FBXO10: variants seen among roughly 807,000 people sequenced by gnomAD.
FBXO10 encodes F-box protein 10.
In FBXO10, 39 loss-of-function variants were observed where a neutral mutation model predicts 80.7. The observed-to-expected ratio is 0.48, with a 90% CI of 0.37 to 0.63. The LOEUF is 0.63. Among genes scored for constraint, FBXO10 ranks in the 30% least tolerant of loss-of-function variants. FBXO10 has a pLI of 0.00. For missense variants in FBXO10, 1,025 were observed against 1,269.0 expected (o/e 0.81, Z 2.92); for synonymous variants, 449 against 489.6 (o/e 0.92, Z 1.09).
At chr9:37,543,600 C>A (rs1009932767) in intron 1 of FBXO10, among the ~76,000 whole-genome samples, 1 of 152,198 alleles carries the variant, frequency 6.6e-6, no homozygotes, top group African/African-American at 2.4e-5. Context: ...CATCCAGTTT[C>A]TCTATAGCAC....
intron 1 of FBXO10, among the ~76,000 whole-genome samples, chr9:37,552,691 CAA>C (rs779389401): frequency 0.14 from 13,444 of 95,278 alleles, 865 homozygotes; most frequent in African/African-American, 0.28. Context: ...GACTCCATAT[CAA>C]AAAAAAAAAA....
At chr9:37,514,497 A>G (rs1047967084) in intron 10 of FBXO10, among the ~76,000 whole-genome samples, 4 of 152,164 alleles carry the variant, frequency 2.6e-5, no homozygotes, top group African/African-American at 9.7e-5. Context: ...GGGATAGTTT[A>G]TAATGTAAAT....
intron 2 of FBXO10, among the ~76,000 whole-genome samples, chr9:37,539,234 T>C (rs961610277): frequency 2.0e-5 from 3 of 152,190 alleles, no homozygotes; most frequent in Non-Finnish European, 4.4e-5. Context: ...GCTAACCTAA[T>C]TTTTCCTTGC....
At chr9:37,541,080 T>C (rs1821899337) in intron 2 of FBXO10, 104 bp downstream of exon 2, 4 of 1,011,584 alleles carry the variant, frequency 4.0e-6, no homozygotes, top group Non-Finnish European at 4.3e-6. Context: ...TAATAATAAC[T>C]CTTAACTTTC....
Position 37,557,021 on chromosome 9 carries a change from A to G in FBXO10, c.-6-15247T>C, listed in dbSNP as rs1330280273. The stretch of plus-strand genomic sequence containing the variant: ...ATACCTGGTGTTGACTCCTTTCTCT[A>G]TTACAACTATTCAGGGCAACAGAAA... On this transcript the variant is annotated intron_variant, in intron 1 of 10. Transcript: ENST00000432825. Among the ~76,000 whole-genome samples, 5 of 152,062 alleles carry G rather than the reference A, an allele frequency of 3.3e-5. No homozygotes were observed. The East Asian group carries it at 5.8e-4, about 18-fold the overall frequency.
intron 1 of FBXO10, among the ~76,000 whole-genome samples, chr9:37,560,231 C>T (rs1212863104): frequency 2.0e-5 from 3 of 152,166 alleles, no homozygotes; most frequent in Non-Finnish European, 2.9e-5. Flanking sequence ...CACAATTTTG[C>T]AAATATTAAT....
intron 1 of FBXO10, among the ~76,000 whole-genome samples, chr9:37,562,290 T>TA (rs1238911049): frequency 2.0e-5 from 3 of 152,302 alleles, no homozygotes; most frequent in Non-Finnish European, 4.4e-5. Context: ...CAGTTGAGTA[T>TA]AAAGTGAAGC....
At chr9:37,550,871 T>C (rs938353136) in intron 1 of FBXO10, among the ~76,000 whole-genome samples, 8 of 152,320 alleles carry the variant, frequency 5.3e-5, no homozygotes, top group African/African-American at 1.7e-4. Flanking sequence ...AGTGCATCCA[T>C]CCCAATAGCC....
chr9:37,512,802 G>A, intron 10 of FBXO10, 81 bp from the exon 11 acceptor site: 1 of 1,436,226 alleles, frequency 7.0e-7, no homozygotes, highest in East Asian at 2.4e-5. Context: ...CTTAACTTGG[G>A]TTCCAGATCG....
chr9:37,568,326 T>C (rs1822661327), intron 1 of FBXO10, among the ~76,000 whole-genome samples: 1 of 152,056 alleles, frequency 6.6e-6, no homozygotes, highest in Non-Finnish European at 1.5e-5. Flanking sequence ...GCTTCTCGGG[T>C]AGCTGGGATT....
chr9:37,555,325 T>G (rs1822307994), intron 1 of FBXO10, among the ~76,000 whole-genome samples: 1 of 152,172 alleles, frequency 6.6e-6, no homozygotes, highest in African/African-American at 2.4e-5. Flanking sequence ...TTTTTGCATG[T>G]GATCATTGGC....
intron 5 of FBXO10, 58 bp downstream of exon 5, chr9:37,529,066 T>C (rs1821548723): frequency 2.1e-5 from 34 of 1,605,628 alleles, no homozygotes; most frequent in Non-Finnish European, 2.9e-5. Context: ...TGTTTTCAAA[T>C]GGAGGAGAGA....
At chr9:37,542,724 T>G (rs569563756) in intron 1 of FBXO10, among the ~76,000 whole-genome samples, 2 of 152,016 alleles carry the variant, frequency 1.3e-5, no homozygotes, top group South Asian at 4.2e-4. Context: ...GGTGAGCACA[T>G]GTGTGTGTGT....
At chr9:37,515,283 C>A (rs1821154833) in intron 10 of FBXO10, 1 of 152,614 alleles carries the variant, frequency 6.6e-6, no homozygotes, top group African/African-American at 2.4e-5. Flanking sequence ...GGTGCTGAGA[C>A]CTGAATTAGG....
At chr9:37,557,648 C>T (rs948098738) in intron 1 of FBXO10, among the ~76,000 whole-genome samples, 7 of 152,198 alleles carry the variant, frequency 4.6e-5, no homozygotes, top group Non-Finnish European at 8.8e-5. Flanking sequence ...TGGCCTTGAC[C>T]GTTCACAAAG....
rs1215758682 is a variant in FBXO10 at position 37,541,516 on chromosome 9, A to T, written c.253T>A (p.Trp85Arg). The T allele has an allele frequency of 6.2e-7, 1 of 1,613,836 alleles. No homozygotes were observed. The highest frequency in any genetic ancestry group is 8.5e-7 in the Non-Finnish European group (1 of 1,179,850). Residue 85 changes from tryptophan (W) to arginine (R), a missense_variant, in exon 2 of 11, where the codon TGG becomes AGG. By Grantham distance (101) the Trp-to-Arg change is moderately radical (BLOSUM62 -3). Around this residue, in one of 3 missense-constraint regions of FBXO10, gnomAD observed 450 missense variants for 499.4 expected, o/e 0.90. Transcript: ENST00000432825. Reference protein sequence around the residue: ...FKQHYLASKTWTKNALDLESS... With the variant: ...FKQHYLASKTRTKNALDLESS... ...TCCAAGTCCAAGGCATTCTTGGTCCATGTCTTGGATGCAAGGTAATGCTGC... is the reference window on the plus strand; with the variant it reads ...TCCAAGTCCAAGGCATTCTTGGTCCTTGTCTTGGATGCAAGGTAATGCTGC...
intron 10 of FBXO10, chr9:37,515,040 C>G (rs963477438): frequency 4.6e-5 from 7 of 152,266 alleles, no homozygotes; most frequent in African/African-American, 1.7e-4. Context: ...CATGGGACAA[C>G]CTCCAGAGTG....
intron 1 of FBXO10, among the ~76,000 whole-genome samples, chr9:37,567,606 T>C (rs1180798905): frequency 1.3e-5 from 2 of 152,242 alleles, no homozygotes; most frequent in Non-Finnish European, 2.9e-5. Context: ...ATATATGTGA[T>C]GGTGGGGCTA....
Position 37,521,725 on chromosome 9 carries a change from A to C in FBXO10, c.2044T>G (p.Ser682Ala), listed in dbSNP as rs1821351052. The C allele has an allele frequency of 6.2e-7, 1 of 1,613,892 alleles. No homozygotes were observed. The highest frequency in any genetic ancestry group is 1.7e-5 in the Admixed American group (1 of 60,022). The change falls in exon 8 of 11, where the codon TCC becomes GCC. Residue 682 changes from serine (S) to alanine (A), a missense_variant. Ser to Ala is a moderately conservative substitution (Grantham distance 99). Coordinates refer to ENST00000432825, the MANE Select transcript of FBXO10 (RefSeq NM_012166.3). Reference sequence around the variant, plus strand: ...CTGTGGCCTCGAGGTAACTCGCTGGAGCCATCCTTCTGGCTAAATACTGCC... The same window carrying C: ...CTGTGGCCTCGAGGTAACTCGCTGGCGCCATCCTTCTGGCTAAATACTGCC... ...GVAVFSQKDG[S>A]SELPRGHRAQ...
Sources: allele counts gnomAD v4.1 joint callset (sites outside exome capture counted in the v4.1 genomes callset), GRCh38; gene constraint gnomAD v4.1.1; regional missense constraint gnomAD v4.1.1; transcripts MANE v1.5; gene names NCBI Gene and HGNC (gene_info 2026-07-23, HGNC 2026-07-21).